MAPK10: variants seen among roughly 807,000 people sequenced by gnomAD.
MAPK10 encodes mitogen-activated protein kinase 10.
Under a neutral mutation model 59.3 loss-of-function variants are expected in MAPK10, and 25 were observed. The observed-to-expected ratio is 0.42, with a 90% CI of 0.31 to 0.59. The LOEUF (loss-of-function observed/expected upper bound fraction) is 0.59, where lower values mean the gene tolerates loss of function less well. Ranked by LOEUF, MAPK10 falls within the 20% of genes least tolerant of loss-of-function variation. The probability of loss-of-function intolerance (pLI) is 0.15; values close to 1 mark genes in which losing one functional copy is unlikely to be tolerated. For synonymous variants in MAPK10, 190 were observed against 200.5 expected (o/e 0.95, Z 0.44); for missense variants, 351 against 568.9 (o/e 0.62, Z 3.90).
intron 1 of MAPK10, among the ~76,000 whole-genome samples, chr4:86,369,246 T>C (rs921429898): frequency 7.2e-5 from 11 of 152,184 alleles, no homozygotes; most frequent in South Asian, 2.1e-4. Context: ...AAGCAAAATA[T>C]GAGCCAAACA....
intron 2 of MAPK10, among the ~76,000 whole-genome samples, chr4:86,239,911 C>T (rs944354240): frequency 6.6e-6 from 1 of 151,736 alleles, no homozygotes; most frequent in African/African-American, 2.4e-5. Flanking sequence ...ATTAGTTGCT[C>T]TTGCCTCTCT....
Position 86,031,434 on chromosome 4 carries a change from GC to G in MAPK10, c.1111-4del. 6.2e-7 allele frequency: 1 copy of G among 1,609,018 alleles called. No homozygotes were observed. Among genetic ancestry groups the G allele is most frequent in the Non-Finnish European group, 8.5e-7 (1 of 1,176,058 alleles). ...TTGTCATATATCTGAGGTGGAGGCT[GC>G]CGAATAAAAACAAAAAATAATCTTT... is the stretch of plus-strand genomic sequence containing the variant. On this transcript the variant is annotated splice_polypyrimidine_tract_variant and splice_region_variant and intron_variant, in intron 11 of 13. Transcript: ENST00000641462.
At chr4:86,367,449 G>A (rs747581042) in intron 1 of MAPK10, among the ~76,000 whole-genome samples, 2 of 152,054 alleles carry the variant, frequency 1.3e-5, no homozygotes, top group African/African-American at 2.4e-5. Context: ...AAAAGTTTCA[G>A]AAATGCTGCA....
intron 1 of MAPK10, among the ~76,000 whole-genome samples, chr4:86,509,095 C>T (rs1756012625): frequency 6.6e-6 from 1 of 151,890 alleles, no homozygotes; most frequent in Non-Finnish European, 1.5e-5. Flanking sequence ...TAAGATAACA[C>T]ACTGTTGCTA....
chr4:86,050,935 C>A (rs1340765760), intron 11 of MAPK10, among the ~76,000 whole-genome samples: 1 of 152,084 alleles, frequency 6.6e-6, no homozygotes, highest in Non-Finnish European at 1.5e-5. Context: ...TGAGGGTTAG[C>A]TAATTTATCT....
intron 1 of MAPK10, among the ~76,000 whole-genome samples, chr4:86,537,122 C>T (rs530600342): frequency 1.3e-5 from 2 of 152,166 alleles, no homozygotes; most frequent in South Asian, 4.2e-4. Context: ...CAACAGTAGC[C>T]CTGCAGGGAA....
chr4:86,383,455 T>C (rs1741035394), intron 1 of MAPK10, among the ~76,000 whole-genome samples: 1 of 152,214 alleles, frequency 6.6e-6, no homozygotes, highest in South Asian at 2.1e-4. Flanking sequence ...AACAGGTAGC[T>C]AAACAATTTA....
At chr4:86,576,675 T>C (rs1761918609) in intron 1 of MAPK10, among the ~76,000 whole-genome samples, 1 of 151,648 alleles carries the variant, frequency 6.6e-6, no homozygotes, top group Non-Finnish European at 1.5e-5. Context: ...CTTGGGAGGC[T>C]GAGGCAGGAG....
At chr4:86,402,917 C>T (rs1258086707) in intron 1 of MAPK10, among the ~76,000 whole-genome samples, 1 of 152,116 alleles carries the variant, frequency 6.6e-6, no homozygotes, top group Non-Finnish European at 1.5e-5. Context: ...CAGAGAGCAG[C>T]ATCTGGGACC....
intron 1 of MAPK10, among the ~76,000 whole-genome samples, chr4:86,505,933 T>G (rs1177157200): frequency 1.3e-5 from 2 of 152,182 alleles, no homozygotes; most frequent in South Asian, 2.1e-4. Context: ...ATCTTGTTCC[T>G]GAACTTCAAT....
chr4:86,329,674 T>G (rs2096107526), intron 2 of MAPK10, among the ~76,000 whole-genome samples: 1 of 152,186 alleles, frequency 6.6e-6, no homozygotes, highest in African/African-American at 2.4e-5. Context: ...GCCATATGCT[T>G]ATGCAGAGAT....
chr4:86,021,099 A>C (rs1406754468), intron 13 of MAPK10, among the ~76,000 whole-genome samples: 2 of 152,192 alleles, frequency 1.3e-5, no homozygotes, highest in African/African-American at 2.4e-5. Flanking sequence ...GTATCAACAC[A>C]AAGGTTCTCC....
intron 2 of MAPK10, among the ~76,000 whole-genome samples, chr4:86,331,042 G>A (rs2096140170): frequency 1.3e-5 from 2 of 152,210 alleles, no homozygotes; most frequent in East Asian, 3.9e-4. Flanking sequence ...AAAAATACCA[G>A]TGGGAAAACA....
intron 4 of MAPK10, among the ~76,000 whole-genome samples, chr4:86,139,356 C>T (rs867678588): frequency 3.0e-4 from 45 of 151,016 alleles, no homozygotes; most frequent in African/African-American, 1.1e-3. Context: ...TGGAACAGAA[C>T]AGAGCCCTCA....
intron 11 of MAPK10, among the ~76,000 whole-genome samples, chr4:86,053,797 T>A (rs2044015584): frequency 6.6e-6 from 1 of 152,166 alleles, no homozygotes; most frequent in Admixed American, 6.6e-5. Flanking sequence ...AAATGCCCAC[T>A]ACCTCAAGAT....
intron 1 of MAPK10, among the ~76,000 whole-genome samples, chr4:86,413,392 C>T (rs1745448291): frequency 6.6e-6 from 1 of 152,308 alleles, no homozygotes; most frequent in Non-Finnish European, 1.5e-5. Context: ...GCAGTCTGTC[C>T]AATCTTGGTG....
At chr4:86,474,060 A>T (rs1752878245) in intron 1 of MAPK10, among the ~76,000 whole-genome samples, 1 of 152,222 alleles carries the variant, frequency 6.6e-6, no homozygotes, top group Non-Finnish European at 1.5e-5. Flanking sequence ...TGTTATTCAC[A>T]AATGGGATCA....
intron 13 of MAPK10, chr4:86,025,298 T>C (rs143412997): frequency 2.6e-6 from 1 of 386,406 alleles, no homozygotes; most frequent in Admixed American, 4.5e-5. Flanking sequence ...TATTTGCTTC[T>C]GTATGACTCC....
Position 86,155,028 on chromosome 4 carries a change from T to A in MAPK10, c.236+4270A>T, listed in dbSNP as rs576084665. Among the ~76,000 whole-genome samples, 8 of 152,184 alleles carry A rather than the reference T, an allele frequency of 5.3e-5. No individual in the cohort carries two copies. In the South Asian group the frequency reaches 1.7e-3, roughly 32 times the overall value. On this transcript the variant is annotated intron_variant, in intron 4 of 13. Transcript: ENST00000641462. ...TTTAGGGAAGATGTTCCCAACCTTTTCCAATCATTTTGTGGATGGATGTTA... is the reference window on the plus strand; with the variant it reads ...TTTAGGGAAGATGTTCCCAACCTTTACCAATCATTTTGTGGATGGATGTTA...
Sources: gnomAD v4.1 joint callset for allele counts (sites outside exome capture counted in the v4.1 genomes callset) on GRCh38, gnomAD v4.1.1 for gene constraint, MANE v1.5 for transcripts, NCBI Gene and HGNC (gene_info 2026-07-23, HGNC 2026-07-21) for gene names.